Variants in AMMECR1L observed in about 807,000 individuals in gnomAD.
The protein encoded by AMMECR1L is AMMECR1 like.
AMMECR1L carries 4 observed loss-of-function variants against 36.8 expected under a neutral mutation model. That is an observed-to-expected ratio of 0.11 (90% CI 0.05 to 0.25). The LOEUF (loss-of-function observed/expected upper bound fraction) is 0.25. AMMECR1L is among the 10% of genes least tolerant of loss of function. AMMECR1L has a pLI of 1.00. For synonymous variants in AMMECR1L, 147 were observed against 148.0 expected, an observed-to-expected ratio of 0.99 and a Z score of 0.05; for missense variants, 232 against 392.1, an observed-to-expected ratio of 0.59 and a Z score of 3.45.
chr2:127,885,809 C>T lies in AMMECR1L; in HGVS notation c.-149+1G>A, dbSNP rs926929718. On this transcript the variant is annotated splice_donor_variant, in intron 1 of 7. Coordinates refer to ENST00000272647, the MANE Select transcript of AMMECR1L (RefSeq NM_001199140.2). LOFTEE classifies it low-confidence loss of function (5UTR_SPLICE). ...GGTGCGGCGCAGCCCGAGTTTCCCACCTTTTCTCCTGGCCCAGACGCGGCT... is the reference window on the plus strand; with the variant it reads ...GGTGCGGCGCAGCCCGAGTTTCCCATCTTTTCTCCTGGCCCAGACGCGGCT... The T allele has an allele frequency of 1.8e-5, 18 of 985,082 alleles. No individual in the cohort carries two copies. The highest frequency in any genetic ancestry group is 2.2e-5 in the Non-Finnish European group (18 of 829,808). The allele number at this position is 985,082 out of a possible 1,614,324, so 61.0% of individuals were successfully genotyped here.
chr2:127,868,015 C>G (rs1165789835), intron 6 of AMMECR1L, among the ~76,000 whole-genome samples: 1 of 152,182 alleles, frequency 6.6e-6, no homozygotes, highest in Non-Finnish European at 1.5e-5. Flanking sequence ...TGTTGACTGT[C>G]AGGTGTGTGC....
chr2:127,885,633 C>T (rs1691741078), intron 1 of AMMECR1L, 177 bp downstream of exon 1: 1 of 983,434 alleles, frequency 1.0e-6, no homozygotes, highest in African/African-American at 1.7e-5. Context: ...CCCCGCCCGC[C>T]GCCCGGGACT....
At chr2:127,875,423 G>A (rs765380461) in intron 2 of AMMECR1L, among the ~76,000 whole-genome samples, 24 of 152,178 alleles carry the variant, frequency 1.6e-4, no homozygotes, top group Non-Finnish European at 2.5e-4. Context: ...AGAGATTTGC[G>A]CTGTCCTACC....
intron 2 of AMMECR1L, among the ~76,000 whole-genome samples, chr2:127,879,795 G>T (rs1034421615): frequency 6.6e-6 from 1 of 152,198 alleles, no homozygotes; most frequent in Non-Finnish European, 1.5e-5. Context: ...TCCTCCAGCA[G>T]CCCGGCTTTG....
intron 2 of AMMECR1L, among the ~76,000 whole-genome samples, chr2:127,879,979 T>C (rs1407664865): frequency 1.3e-5 from 2 of 152,206 alleles, no homozygotes; most frequent in Non-Finnish European, 2.9e-5. Context: ...ACTGTGAGCA[T>C]AGTACAAATT....
intron 2 of AMMECR1L, among the ~76,000 whole-genome samples, chr2:127,880,412 C>A (rs992519597): frequency 2.0e-5 from 3 of 152,210 alleles, no homozygotes; most frequent in African/African-American, 7.2e-5. Context: ...TGTTTTACCT[C>A]TTAAGACCTC....
intron 2 of AMMECR1L, among the ~76,000 whole-genome samples, chr2:127,880,387 A>G (rs1477055476): frequency 6.6e-6 from 1 of 152,182 alleles, no homozygotes; most frequent in Non-Finnish European, 1.5e-5. Flanking sequence ...AGCTGGCAGA[A>G]ATCACAGCAA....
intron 2 of AMMECR1L, among the ~76,000 whole-genome samples, chr2:127,883,831 G>C (rs1691629712): frequency 6.6e-6 from 1 of 152,182 alleles, no homozygotes; most frequent in Admixed American, 6.5e-5. Context: ...ACCAATAATT[G>C]ACTTTGATCA....
At chr2:127,880,186 C>T (rs538393453) in intron 2 of AMMECR1L, among the ~76,000 whole-genome samples, 51 of 152,236 alleles carry the variant, frequency 3.4e-4, no homozygotes, top group African/African-American at 1.1e-3. Flanking sequence ...GTGTAAAAAC[C>T]CTTGCTTTAT....
chr2:127,877,802 A>G (rs2104771810), intron 2 of AMMECR1L, among the ~76,000 whole-genome samples: 1 of 152,288 alleles, frequency 6.6e-6, no homozygotes, highest in South Asian at 2.1e-4. Flanking sequence ...CACACCTATA[A>G]TCCCAACACT....
At chr2:127,885,650 C>G (rs1691742990) in intron 1 of AMMECR1L, 160 bp downstream of exon 1, 1 of 984,292 alleles carries the variant, frequency 1.0e-6, no homozygotes, top group Non-Finnish European at 1.2e-6. Flanking sequence ...GACTCCTCCC[C>G]CCCGCTGCCC....
At chr2:127,882,961 T>C (rs1691578556) in intron 2 of AMMECR1L, among the ~76,000 whole-genome samples, 1 of 148,748 alleles carries the variant, frequency 6.7e-6, no homozygotes, top group South Asian at 2.1e-4. Flanking sequence ...CAGGCTGAAG[T>C]GGCTATTTAC....
intron 4 of AMMECR1L, 23 bp from the exon 5 acceptor site, chr2:127,870,951 G>GGTA: frequency 6.3e-7 from 1 of 1,578,814 alleles, no homozygotes; most frequent in South Asian, 1.1e-5. Context: ...AGAAAACATA[G>GGTA]GTAAGGCTGC....
Position 127,874,264 on chromosome 2 carries a change from T to C in AMMECR1L, c.-30A>G. ...ATTCAGTGCTCAAGGTCTGGAATGC[T>C]GCAGAACCCTAACCAAAATGAGAAG... On this transcript the variant is annotated 5_prime_UTR_variant, in exon 3 of 8. Coordinates refer to ENST00000272647, the MANE Select transcript of AMMECR1L (RefSeq NM_001199140.2). The surrounding 1 kb of genome is among the most constrained non-coding windows in gnomAD (Gnocchi z 5.2). 1.2e-6 allele frequency: 2 copies of C among 1,601,046 alleles called. No homozygotes were observed. Among genetic ancestry groups the C allele is most frequent in the South Asian group, 1.1e-5 (1 of 88,528 alleles).
At position 127,871,450 on chromosome 2, in the gene AMMECR1L, T is replaced by C. The variant is rs781405832; in HGVS notation, c.408-91A>G. 3.8e-5 allele frequency: 50 copies of C among 1,319,840 alleles called. No homozygotes were observed. The highest frequency in any genetic ancestry group is 4.8e-5 in the Non-Finnish European group (46 of 955,638). The allele number at this position is 1,319,840 out of a possible 1,614,324, so 81.8% of individuals were successfully genotyped here. ...TTGGCTTTGTCCCTATTCATTTCTG[T>C]TATTGCCAAAAATCCCTGTTTTTGG... On this transcript the variant is annotated intron_variant, in intron 3 of 7. Coordinates refer to ENST00000272647, the MANE Select transcript of AMMECR1L (RefSeq NM_001199140.2). The surrounding 1 kb of genome is among the most constrained non-coding windows in gnomAD (Gnocchi z 4.3).
At chr2:127,884,049 G>C (rs1279485108) in intron 2 of AMMECR1L, among the ~76,000 whole-genome samples, 154 bp downstream of exon 2, 1 of 152,140 alleles carries the variant, frequency 6.6e-6, no homozygotes, top group East Asian at 1.9e-4. Context: ...TTTTAAAAGG[G>C]AACAAGCGGA....
At chr2:127,872,297 C>T (rs917723106) in intron 3 of AMMECR1L, among the ~76,000 whole-genome samples, 2 of 151,956 alleles carry the variant, frequency 1.3e-5, no homozygotes, top group Admixed American at 1.3e-4. Flanking sequence ...CTCAGCCTCC[C>T]GAAGTGCTGA....
In AMMECR1L at chr2:127,865,670, G is replaced by C. The variant is rs1169334691; in HGVS notation, c.822-465C>G. ...AACAAACAAGTTATTATAACTAAAA[G>C]GGACACAGATACCTAATTCTGGGTC... On this transcript the variant is annotated intron_variant, in intron 7 of 7. Transcript: ENST00000272647. The surrounding 1 kb of genome is among the most constrained non-coding windows in gnomAD (Gnocchi z 5.4). Among the ~76,000 whole-genome samples, 1 of 152,182 alleles carries C rather than the reference G, an allele frequency of 6.6e-6. No individual in the cohort carries two copies. Among genetic ancestry groups the C allele is most frequent in the Non-Finnish European group, 1.5e-5 (1 of 68,036 alleles).
chr2:127,867,752 G>C (rs955281322), intron 6 of AMMECR1L, among the ~76,000 whole-genome samples: 3 of 151,822 alleles, frequency 2.0e-5, no homozygotes, highest in African/African-American at 7.3e-5. Flanking sequence ...TCTTAAGGAA[G>C]AAATAAAAAG....
Sources: gnomAD v4.1 joint callset for allele counts (sites outside exome capture counted in the v4.1 genomes callset) on GRCh38, gnomAD v4.1.1 for gene constraint, Gnocchi (gnomAD v3.1) non-coding constraint, MANE v1.5 for transcripts, NCBI Gene and HGNC (gene_info 2026-07-23, HGNC 2026-07-21) for gene names.